Variants in AGBL4 observed in about 807,000 individuals in gnomAD.
AGBL4 encodes cytosolic carboxypeptidase 6.
Under a neutral mutation model 66.4 loss-of-function variants are expected in AGBL4, and 58 were observed. The observed-to-expected ratio is 0.87, with a 90% CI of 0.71 to 1.09. The LOEUF (loss-of-function observed/expected upper bound fraction) is 1.09. Among genes scored for constraint, AGBL4 ranks in the 50% least tolerant of loss-of-function variants. The probability of loss-of-function intolerance (pLI) is 0.00; values close to 1 mark genes in which losing one functional copy is unlikely to be tolerated. For synonymous variants in AGBL4, 234 were observed against 222.9 expected, an observed-to-expected ratio of 1.05 and a Z score of -0.44; for missense variants, 579 against 631.0, an observed-to-expected ratio of 0.92 and a Z score of 0.88.
intron 1 of AGBL4, among the ~76,000 whole-genome samples, chr1:49,898,946 G>C (rs981993497): frequency 6.6e-6 from 1 of 152,162 alleles, no homozygotes; most frequent in African/African-American, 2.4e-5. Context: ...TGGAGACAGA[G>C]AGTAGAAGGA....
chr1:49,651,700 T>TA (rs1375065175), intron 3 of AGBL4, among the ~76,000 whole-genome samples: 3 of 149,860 alleles, frequency 2.0e-5, no homozygotes, highest in Admixed American at 1.3e-4. Flanking sequence ...AGGTACAAAT[T>TA]AAAAAAAAAG....
intron 4 of AGBL4, among the ~76,000 whole-genome samples, chr1:49,221,199 A>AT (rs1649468418): frequency 6.6e-6 from 1 of 152,126 alleles, no homozygotes; most frequent in Non-Finnish European, 1.5e-5. Context: ...TTTGTGAAAG[A>AT]TTTTTGTTTC....
chr1:49,937,332 T>G (rs1259256695), intron 1 of AGBL4, among the ~76,000 whole-genome samples: 3 of 151,998 alleles, frequency 2.0e-5, no homozygotes, highest in African/African-American at 7.3e-5. Context: ...GCACCCAGAT[T>G]CATAAAGCAA....
intron 3 of AGBL4, among the ~76,000 whole-genome samples, chr1:49,547,107 T>C (rs2148831608): frequency 6.6e-6 from 1 of 152,330 alleles, no homozygotes; most frequent in East Asian, 1.9e-4. Flanking sequence ...GTTTTTCCAA[T>C]GTTATCCTCT....
At chr1:49,893,285 A>G (rs1214991291) in intron 1 of AGBL4, among the ~76,000 whole-genome samples, 1 of 152,156 alleles carries the variant, frequency 6.6e-6, no homozygotes, top group Admixed American at 6.5e-5. Flanking sequence ...ATGGCCAAAT[A>G]AAAGGCTCCA....
intron 3 of AGBL4, among the ~76,000 whole-genome samples, chr1:49,564,727 C>T (rs1357063435): frequency 6.6e-6 from 1 of 152,112 alleles, no homozygotes; most frequent in Non-Finnish European, 1.5e-5. Context: ...TTACTTCCAA[C>T]TATGTGGTCA....
intron 6 of AGBL4, among the ~76,000 whole-genome samples, chr1:48,680,860 G>A (rs1053635613): frequency 6.6e-5 from 10 of 152,200 alleles, no homozygotes; most frequent in African/African-American, 2.2e-4. Flanking sequence ...GGGCAGAGCT[G>A]TTTCCAGGAG....
chr1:49,563,478 G>C (rs966112551), intron 3 of AGBL4, among the ~76,000 whole-genome samples: 1 of 152,068 alleles, frequency 6.6e-6, no homozygotes, highest in Admixed American at 6.6e-5. Flanking sequence ...TTTGAGATAC[G>C]TCCCATCAGT....
chr1:49,406,890 C>T (rs1645211835), intron 3 of AGBL4, among the ~76,000 whole-genome samples: 1 of 151,332 alleles, frequency 6.6e-6, no homozygotes, highest in Non-Finnish European at 1.5e-5. Flanking sequence ...ACGGTGAAAC[C>T]CCGTCTGTAT....
rs887094640 is a variant in AGBL4, at chr1:48,947,916, G to A, written c.595-80686C>T. On this transcript the variant is annotated intron_variant, in intron 5 of 13. Coordinates refer to ENST00000371839, the MANE Select transcript of AGBL4 (RefSeq NM_032785.4). ...TTGTTTTGTTTTTTTTTTTGAGATGGAGTCTCACTCGTGACCCAGGCTGGA... is the reference window on the plus strand; with the variant it reads ...TTGTTTTGTTTTTTTTTTTGAGATGAAGTCTCACTCGTGACCCAGGCTGGA... 3.3e-5 allele frequency among the ~76,000 whole-genome samples: 5 copies of A among 151,024 alleles called. No individual in the cohort carries two copies. In the South Asian group the frequency reaches 6.3e-4, roughly 19 times the overall value.
chr1:48,759,358 C>T, intron 6 of AGBL4: 1 of 1,496,488 alleles, frequency 6.7e-7, no homozygotes, highest in East Asian at 2.5e-5. Context: ...AATATTTCCC[C>T]AGACAATCCT....
At chr1:49,654,111 C>T (rs1646067684) in intron 3 of AGBL4, among the ~76,000 whole-genome samples, 1 of 152,144 alleles carries the variant, frequency 6.6e-6, no homozygotes, top group Admixed American at 6.5e-5. Flanking sequence ...ATCCAACAGA[C>T]TAACAGCAGA....
In AGBL4 at chr1:49,971,907, G is replaced by GTTGT. The variant is rs1553155278; in HGVS notation, c.34+51855_34+51856insACAA. The stretch of plus-strand genomic sequence containing the variant: ...AAGTACAAGTGCAGGGTTTTTTTGG[G>GTTGT]TTTTTTTTTTTTTTTTTTTTTTTTT... On this transcript the variant is annotated intron_variant, in intron 1 of 13. Transcript: ENST00000371839. Among the ~76,000 whole-genome samples the GTTGT allele has an allele frequency of 6.4e-4, 15 of 23,444 alleles. 3 individuals are homozygous for GTTGT. Among genetic ancestry groups the GTTGT allele is most frequent in the Admixed American group, 9.9e-4 (1 of 1,014 alleles). 15.4% of individuals were successfully genotyped at this position (23,444 alleles called of 152,430 possible). A position where few individuals can be genotyped will look rare whatever the true frequency, so the allele number is the denominator to read the frequency against.
chr1:49,465,206 T>TAC (rs1646601070), intron 3 of AGBL4, among the ~76,000 whole-genome samples: 3 of 69,018 alleles, frequency 4.3e-5, no homozygotes, highest in African/African-American at 1.7e-4. Context: ...ACCCTACCCC[T>TAC]ACATACACAC....
intron 3 of AGBL4, among the ~76,000 whole-genome samples, chr1:49,615,531 C>G (rs897973486): frequency 6.6e-6 from 1 of 151,880 alleles, no homozygotes; most frequent in Non-Finnish European, 1.5e-5. Flanking sequence ...CCAGATATGC[C>G]GACAGTTTGT....
rs755561385 is a variant in AGBL4, at chr1:49,554,135, A to AAC, written c.282+143176_282+143177dup. On this transcript the variant is annotated intron_variant, in intron 3 of 13. Transcript: ENST00000371839. The stretch of plus-strand genomic sequence containing the variant: ...GTGACAAAGCAAGATCCTGTCTAGA[A>AAC]ACACACACACACACACAGTCTCAGA... Among the ~76,000 whole-genome samples the AAC allele has an allele frequency of 2.0e-3, 306 of 151,252 alleles. 6 individuals are homozygous for AAC. The East Asian group carries it at 0.024, about 12-fold the overall frequency.
At position 48,605,151 on chromosome 1, in the gene AGBL4, A is replaced by G. The variant is rs1031773966; in HGVS notation, c.952-14166T>C. Among the ~76,000 whole-genome samples the G allele has an allele frequency of 2.6e-5, 4 of 152,198 alleles. No homozygotes were observed. The East Asian group carries it at 7.7e-4, about 29-fold the overall frequency. The stretch of plus-strand genomic sequence containing the variant: ...CGTCAGAGCCAAGGATAAAATCTAG[A>G]TCTATCCATAATACAAGTTCTTACC... On this transcript the variant is annotated intron_variant, in intron 9 of 13. Coordinates refer to ENST00000371839, the MANE Select transcript of AGBL4 (RefSeq NM_032785.4).
At chr1:49,740,494 G>A (rs978158846) in intron 2 of AGBL4, among the ~76,000 whole-genome samples, 1 of 152,090 alleles carries the variant, frequency 6.6e-6, no homozygotes, top group African/African-American at 2.4e-5. Flanking sequence ...AGATCAACGA[G>A]ACAAAAAGTT....
chr1:49,414,552 C>T (rs538408273), intron 3 of AGBL4, among the ~76,000 whole-genome samples: 79 of 152,194 alleles, frequency 5.2e-4, no homozygotes, highest in Non-Finnish European at 1.0e-3. Flanking sequence ...GCAATGAAAA[C>T]GGGCCTACTG....
Sources: gnomAD v4.1 joint callset for allele counts (sites outside exome capture counted in the v4.1 genomes callset) on GRCh38, gnomAD v4.1.1 for gene constraint, MANE v1.5 for transcripts, NCBI Gene and HGNC (gene_info 2026-07-23, HGNC 2026-07-21) for gene names.